Variants in CLDN10 observed in about 807,000 individuals in gnomAD.
The protein encoded by CLDN10 is claudin-10.
In CLDN10, 15 loss-of-function variants were observed where a neutral mutation model predicts 22.9. The observed-to-expected ratio is 0.65, with a 90% CI of 0.44 to 1.01. The LOEUF (loss-of-function observed/expected upper bound fraction) is 1.01, where lower values mean the gene tolerates loss of function less well. Among genes scored for constraint, CLDN10 ranks in the 50% least tolerant of loss-of-function variants. CLDN10 has a pLI of 0.00. For synonymous variants in CLDN10, 114 were observed against 111.4 expected (o/e 1.02, Z -0.15); for missense variants, 247 against 287.8 (o/e 0.86, Z 1.03).
At chr13:95,516,289 C>T (rs534691970) in intron 1 of CLDN10, among the ~76,000 whole-genome samples, 2 of 152,274 alleles carry the variant, frequency 1.3e-5, no homozygotes, top group South Asian at 4.1e-4. Context: ...CCTACACCTT[C>T]AGGCAGATTA....
chr13:95,565,853 C>G (rs532279136), intron 3 of CLDN10, among the ~76,000 whole-genome samples: 25 of 150,938 alleles, frequency 1.7e-4, no homozygotes, highest in African/African-American at 5.8e-4. Context: ...TCAGTTCCCA[C>G]CTATGAGTGA....
chr13:95,533,012 T>A (rs2043361908), intron 1 of CLDN10, among the ~76,000 whole-genome samples: 1 of 151,982 alleles, frequency 6.6e-6, no homozygotes, highest in Non-Finnish European at 1.5e-5. Context: ...GAGAACTTTC[T>A]AGAAAGATAG....
intron 1 of CLDN10, among the ~76,000 whole-genome samples, chr13:95,493,804 C>A (rs561576917): frequency 6.6e-6 from 1 of 152,282 alleles, no homozygotes; most frequent in South Asian, 2.1e-4. Context: ...AAGTATTCAG[C>A]CCGCCTCAGC....
At chr13:95,564,194 C>T (rs1566340426) in intron 3 of CLDN10, among the ~76,000 whole-genome samples, 1 of 152,144 alleles carries the variant, frequency 6.6e-6, no homozygotes, top group East Asian at 1.9e-4. Context: ...GGTCAGAAAA[C>T]GTCTATGCAA....
intron 1 of CLDN10, among the ~76,000 whole-genome samples, chr13:95,511,631 T>A (rs1168853271): frequency 2.6e-5 from 4 of 151,642 alleles, no homozygotes; most frequent in Non-Finnish European, 5.9e-5. Flanking sequence ...TCTCTCCTTT[T>A]TTTTTTTGGT....
intron 1 of CLDN10, among the ~76,000 whole-genome samples, chr13:95,535,289 A>C (rs987967107): frequency 6.6e-6 from 1 of 152,136 alleles, no homozygotes; most frequent in Non-Finnish European, 1.5e-5. Flanking sequence ...CTGGGGAGTC[A>C]TATTAGAAGG....
intron 1 of CLDN10, among the ~76,000 whole-genome samples, chr13:95,553,518 C>T (rs2043594723): frequency 6.6e-6 from 1 of 152,226 alleles, no homozygotes; most frequent in East Asian, 1.9e-4. Flanking sequence ...AAACATATTG[C>T]AGAATTTGTT....
chr13:95,439,390 G>A (rs915355721), intron 1 of CLDN10, among the ~76,000 whole-genome samples: 4 of 151,434 alleles, frequency 2.6e-5, no homozygotes, highest in South Asian at 2.1e-4. Context: ...TATTGCCCAG[G>A]TTGGAGTGCA....
intron 1 of CLDN10, among the ~76,000 whole-genome samples, chr13:95,484,239 A>G (rs1189741839): frequency 6.6e-6 from 1 of 152,196 alleles, no homozygotes; most frequent in Admixed American, 6.5e-5. Context: ...CTACAGGCTG[A>G]CTGCAGCAGC....
chr13:95,545,558 T>A (rs6492809), intron 1 of CLDN10, among the ~76,000 whole-genome samples: 150,638 of 152,276 alleles, frequency 0.99, 74,536 homozygotes, highest in Middle Eastern at 1. Context: ...AGAAAAAAAG[T>A]AGTCACTTTT....
intron 1 of CLDN10, among the ~76,000 whole-genome samples, chr13:95,534,516 T>A (rs187171836): frequency 1.3e-5 from 2 of 152,282 alleles, no homozygotes. Context: ...TAAAAATAAC[T>A]TTTTATATCA....
At chr13:95,565,642 A>ATTT (rs2043776978) in intron 3 of CLDN10, among the ~76,000 whole-genome samples, 2 of 152,070 alleles carry the variant, frequency 1.3e-5, no homozygotes, top group Non-Finnish European at 2.9e-5. Flanking sequence ...TTTTATTATT[A>ATTT]TTATTTAAGT....
intron 3 of CLDN10, among the ~76,000 whole-genome samples, chr13:95,573,141 A>G (rs2043883156): frequency 6.6e-6 from 1 of 152,194 alleles, no homozygotes; most frequent in African/African-American, 2.4e-5. Context: ...CTTTGAGAAA[A>G]TAATAAGTGG....
chr13:95,434,478 AACACACAC>A (rs55653913), intron 1 of CLDN10, among the ~76,000 whole-genome samples: 1 of 145,654 alleles, frequency 6.9e-6, no homozygotes, highest in African/African-American at 2.5e-5. Flanking sequence ...TACACCCACA[AACACACAC>A]ACACACACAC....
intron 1 of CLDN10, among the ~76,000 whole-genome samples, chr13:95,527,482 C>T (rs527734887): frequency 6.6e-6 from 1 of 152,264 alleles, no homozygotes; most frequent in South Asian, 2.1e-4. Flanking sequence ...GTAATCCCAG[C>T]ACTTTGGGAG....
At chr13:95,567,452 G>T (rs933501216) in intron 3 of CLDN10, among the ~76,000 whole-genome samples, 1 of 152,176 alleles carries the variant, frequency 6.6e-6, no homozygotes, top group Non-Finnish European at 1.5e-5. Context: ...GAATGCTTGT[G>T]ATTTTTGCAC....
chr13:95,522,555 G>A (rs932911576), intron 1 of CLDN10, among the ~76,000 whole-genome samples: 1 of 152,018 alleles, frequency 6.6e-6, no homozygotes. Context: ...GATTCAAAAT[G>A]TGATTCTTGG....
Position 95,570,858 on chromosome 13 carries a change from G to GTGTATATATATA in CLDN10, c.465-6372_465-6371insGTATATATATAT, listed in dbSNP as rs60359070. Among the ~76,000 whole-genome samples the GTGTATATATATA allele has an allele frequency of 6.3e-3, 758 of 119,634 alleles. 3 individuals carry two copies. The highest frequency in any genetic ancestry group is 7.1e-3 in the Non-Finnish European group (417 of 58,462). The allele number at this position is 119,634 out of a possible 152,430, so 78.5% of individuals were successfully genotyped here. ...CACACACACACACACATATACGTGT[G>GTGTATATATATA]TATATATATATATATATATATATAT... On this transcript the variant is annotated intron_variant, in intron 3 of 4. Transcript: ENST00000299339.
At chr13:95,513,831 A>C (rs4448802) in intron 1 of CLDN10, among the ~76,000 whole-genome samples, 131,441 of 152,228 alleles carry the variant, frequency 0.86, 56,937 homozygotes, top group East Asian at 0.96. Context: ...TGTAGAAACA[A>C]ATATATAATC....
Sources: gnomAD v4.1 joint callset for allele counts (sites outside exome capture counted in the v4.1 genomes callset) on GRCh38, gnomAD v4.1.1 for gene constraint, MANE v1.5 for transcripts, NCBI Gene and HGNC (gene_info 2026-07-23, HGNC 2026-07-21) for gene names.